SNX8: variants seen among roughly 807,000 people sequenced by gnomAD.
SNX8 encodes sorting nexin 8, also known as sorting nexin-8.
In SNX8, 25 loss-of-function variants were observed where a neutral mutation model predicts 51.6. The observed-to-expected ratio is 0.48, with a 90% CI of 0.35 to 0.68. The LOEUF (loss-of-function observed/expected upper bound fraction) is 0.68, where lower values mean the gene tolerates loss of function less well. Among genes scored for constraint, SNX8 ranks in the 30% least tolerant of loss-of-function variants. The pLI is 0.00. For synonymous variants in SNX8, 324 were observed against 277.0 expected, an observed-to-expected ratio of 1.17 and a Z score of -1.68; for missense variants, 695 against 624.0, an observed-to-expected ratio of 1.11 and a Z score of -1.21.
At chr7:2,276,345 C>A (rs1484588688) in intron 2 of SNX8, among the ~76,000 whole-genome samples, 2 of 152,362 alleles carry the variant, frequency 1.3e-5, no homozygotes, top group East Asian at 3.9e-4. Context: ...CACGGCAAAG[C>A]CAGACAGCAA....
intron 4 of SNX8, among the ~76,000 whole-genome samples, chr7:2,271,042 G>A (rs190757551): frequency 6.5e-4 from 99 of 152,314 alleles, no homozygotes; most frequent in African/African-American, 2.2e-3. Context: ...CTGGGCTGCA[G>A]GGTTGTTTTT....
At chr7:2,290,215 AATAAAGCCAG>A (rs1796121752) in intron 1 of SNX8, among the ~76,000 whole-genome samples, 1 of 152,060 alleles carries the variant, frequency 6.6e-6, no homozygotes, top group African/African-American at 2.4e-5. Context: ...AAAATAAATA[AATAAAGCCAG>A]TGCAATGGCT....
intron 1 of SNX8, chr7:2,287,769 A>G (rs985764818): frequency 3.3e-5 from 5 of 152,066 alleles, no homozygotes; most frequent in African/African-American, 7.3e-5. Flanking sequence ...AAACAAAAAT[A>G]AACAACAACA....
chr7:2,337,765 T>C (rs1306292756), intron 1 of SNX8, among the ~76,000 whole-genome samples: 2 of 140,468 alleles, frequency 1.4e-5, no homozygotes, highest in Non-Finnish European at 3.1e-5. Context: ...CTTTATTACA[T>C]TAAAAAAAAA....
At chr7:2,343,476 C>T (rs1431920644) in intron 1 of SNX8, among the ~76,000 whole-genome samples, 10 of 151,544 alleles carry the variant, frequency 6.6e-5, no homozygotes, top group South Asian at 4.2e-4. Flanking sequence ...GAGATCGAGA[C>T]GATCCTGGCT....
intron 2 of SNX8, among the ~76,000 whole-genome samples, chr7:2,275,764 C>T (rs948456288): frequency 6.6e-6 from 1 of 151,422 alleles, no homozygotes; most frequent in African/African-American, 2.4e-5. Context: ...TTTGGGAGGC[C>T]GAGACAGGCG....
chr7:2,261,821 G>A (rs1031482444), intron 7 of SNX8, among the ~76,000 whole-genome samples: 4 of 152,188 alleles, frequency 2.6e-5, no homozygotes, highest in Non-Finnish European at 4.4e-5. Flanking sequence ...AAAACGTCAC[G>A]GGCACCTGAG....
At position 2,314,353 on chromosome 7, in the gene SNX8, G is replaced by A. The variant is rs771373456; in HGVS notation, c.69C>T (p.Asp23=). ...AVGAAAEAEA[D]EEADPPASDL... is the part of the protein sequence containing the mutation. The stretch of plus-strand genomic sequence containing the variant: ...CTGACGCCGGGGGATCCGCCTCCTC[G>A]TCAGCCTCCGCCTCAGCTGCCGCCC... Residue 23 remains aspartate, a synonymous_variant, in exon 1 of 11, where the codon GAC becomes GAT. Coordinates refer to ENST00000222990, the MANE Select transcript of SNX8 (RefSeq NM_013321.4). 1.6e-6 allele frequency: 2 copies of A among 1,224,114 alleles called. No individual in the cohort carries two copies. Among genetic ancestry groups the A allele is most frequent in the East Asian group, 3.2e-5 (1 of 30,998 alleles). The allele number at this position is 1,224,114 out of a possible 1,614,324, so 75.8% of individuals were successfully genotyped here.
chr7:2,348,096 T>A (rs141982933), intron 1 of SNX8, among the ~76,000 whole-genome samples: 1 of 152,082 alleles, frequency 6.6e-6, no homozygotes, highest in African/African-American at 2.4e-5. Context: ...CTTCCTACTA[T>A]GTAAGGAATT....
At chr7:2,280,110 C>T (rs1408183139) in intron 1 of SNX8, among the ~76,000 whole-genome samples, 1 of 152,180 alleles carries the variant, frequency 6.6e-6, no homozygotes, top group Non-Finnish European at 1.5e-5. Context: ...ATAGCTAGGA[C>T]TCCCAACCAC....
At chr7:2,314,300 TG>T in intron 1 of SNX8, 27 bp downstream of exon 1, 2 of 1,218,970 alleles carry the variant, frequency 1.6e-6, no homozygotes, top group Non-Finnish European at 2.0e-6. Flanking sequence ...CCTGGGCAGG[TG>T]GGGGCTACCG....
chr7:2,334,932 A>C (rs1199415605), intron 1 of SNX8, among the ~76,000 whole-genome samples: 1 of 149,916 alleles, frequency 6.7e-6, no homozygotes, highest in South Asian at 2.1e-4. Flanking sequence ...AACTTCATTT[A>C]CAATAGCCAG....
intron 1 of SNX8, among the ~76,000 whole-genome samples, chr7:2,332,741 GA>G (rs1778758545): frequency 8.7e-6 from 1 of 114,382 alleles, no homozygotes. Flanking sequence ...GAGAGAGAGA[GA>G]AAAGGAAGGA....
intron 1 of SNX8, among the ~76,000 whole-genome samples, chr7:2,295,659 T>C (rs1391440278): frequency 6.7e-6 from 1 of 149,722 alleles, no homozygotes; most frequent in African/African-American, 2.5e-5. Context: ...TGGGCATAAA[T>C]TCTTTGCCTT....
At position 2,259,826 on chromosome 7, in the gene SNX8, G is replaced by A. The variant is rs74821094; in HGVS notation, c.916-2023C>T. Among the ~76,000 whole-genome samples, 354 of 152,244 alleles carry A rather than the reference G, an allele frequency of 2.3e-3. 2 individuals carry two copies. Among genetic ancestry groups the A allele is most frequent in the Non-Finnish European group, 3.4e-3 (234 of 68,028 alleles). On this transcript the variant is annotated intron_variant, in intron 7 of 10. Coordinates refer to ENST00000222990, the MANE Select transcript of SNX8 (RefSeq NM_013321.4). ...GGGGAGTTCAGGGGTCCCTCTGTTC[G>A]TGTCATTTGTCACCAAGTCCCATCT...
chr7:2,259,163 G>A (rs1010991891), intron 7 of SNX8, among the ~76,000 whole-genome samples: 1 of 152,200 alleles, frequency 6.6e-6, no homozygotes, highest in Non-Finnish European at 1.5e-5. Flanking sequence ...GGGGTCTGGG[G>A]AAGGCAGCGG....
chr7:2,277,259 G>T (rs558857708), intron 2 of SNX8, among the ~76,000 whole-genome samples: 26 of 152,344 alleles, frequency 1.7e-4, no homozygotes, highest in South Asian at 1.0e-3. Flanking sequence ...CTCCAGACGG[G>T]CATCAGGCAC....
intron 8 of SNX8, 29 bp downstream of exon 8, chr7:2,257,706 C>T (rs1428729280): frequency 1.9e-6 from 3 of 1,607,922 alleles, no homozygotes; most frequent in East Asian, 2.2e-5. Context: ...GAAAGTTCTG[C>T]CCCCAGCCAA....
intron 1 of SNX8, among the ~76,000 whole-genome samples, chr7:2,291,144 A>G (rs1796141607): frequency 6.6e-6 from 1 of 152,098 alleles, no homozygotes; most frequent in Non-Finnish European, 1.5e-5. Flanking sequence ...AAAAAAAAGA[A>G]AAAAAACCAG....
Sources: gnomAD v4.1 joint callset for allele counts (sites outside exome capture counted in the v4.1 genomes callset) on GRCh38, gnomAD v4.1.1 for gene constraint, MANE v1.5 for transcripts, NCBI Gene and HGNC (gene_info 2026-07-23, HGNC 2026-07-21) for gene names.